Variants in SCN7A observed in about 807,000 individuals in gnomAD.
The protein encoded by SCN7A is sodium voltage-gated channel alpha subunit 7.
A neutral mutation model predicts 155.2 loss-of-function variants in SCN7A; 138 were observed. That is an observed-to-expected ratio of 0.89 (90% CI 0.77 to 1.02). The LOEUF is 1.02. Ranked by LOEUF, SCN7A falls within the 50% of genes least tolerant of loss-of-function variation. SCN7A has a pLI of 0.00. For synonymous variants in SCN7A, 693 were observed against 649.0 expected, an observed-to-expected ratio of 1.07 and a Z score of -1.03; for missense variants, 2,058 against 1,986.6, an observed-to-expected ratio of 1.04 and a Z score of -0.68.
At position 166,474,433 on chromosome 2, in the gene SCN7A, T is replaced by C. The variant is rs1702734680; in HGVS notation, c.235-89A>G. On this transcript the variant is annotated intron_variant, in intron 3 of 25. Coordinates refer to ENST00000643258, the MANE Select transcript of SCN7A (RefSeq NM_002976.4). ...ATAAACTGCCAATCAATCATCATTATAGTCTTGGACTCTAAAAGCCATACT... is the reference window on the plus strand; with the variant it reads ...ATAAACTGCCAATCAATCATCATTACAGTCTTGGACTCTAAAAGCCATACT... The C allele has an allele frequency of 1.3e-5, 6 of 465,020 alleles. No homozygotes were observed. The South Asian group carries it at 1.6e-4, about 12-fold the overall frequency. 28.8% of individuals were successfully genotyped at this position (465,020 alleles called of 1,614,324 possible).
chr2:166,430,339 G>A (rs1229447890), intron 16 of SCN7A, among the ~76,000 whole-genome samples: 3 of 151,720 alleles, frequency 2.0e-5, no homozygotes, highest in Non-Finnish European at 4.4e-5. Flanking sequence ...GTATCCAGCA[G>A]AATATTATTC....
chr2:166,464,870 C>T (rs893995721), intron 9 of SCN7A, among the ~76,000 whole-genome samples: 4 of 152,192 alleles, frequency 2.6e-5, no homozygotes, highest in Non-Finnish European at 4.4e-5. Flanking sequence ...CCCAGCTCTG[C>T]CATTTACTAG....
At chr2:166,431,235 T>TAAA (rs1460738474) in intron 16 of SCN7A, among the ~76,000 whole-genome samples, 82 of 152,204 alleles carry the variant, frequency 5.4e-4, no homozygotes, top group African/African-American at 1.9e-3. Flanking sequence ...GCAATGGTAT[T>TAAA]AATTTAAAAG....
intron 2 of SCN7A, among the ~76,000 whole-genome samples, chr2:166,480,462 A>C (rs532310277): frequency 9.3e-4 from 139 of 150,148 alleles, no homozygotes; most frequent in South Asian, 3.8e-3. Flanking sequence ...CGTCTCAAAA[A>C]AAAAAAACAA....
intron 12 of SCN7A, among the ~76,000 whole-genome samples, chr2:166,446,032 C>A (rs1048585673): frequency 3.3e-5 from 5 of 152,074 alleles, no homozygotes; most frequent in Non-Finnish European, 5.9e-5. Context: ...CAAATGGGAT[C>A]TAATTAAACT....
At chr2:166,433,170 T>C (rs1299884786) in intron 15 of SCN7A, among the ~76,000 whole-genome samples, 1 of 152,132 alleles carries the variant, frequency 6.6e-6, no homozygotes, top group Non-Finnish European at 1.5e-5. Context: ...ACACAAAAAT[T>C]GCAACTTCTG....
chr2:166,414,291 C>CATATAT lies in SCN7A; in HGVS notation c.3415-1171_3415-1170insATATAT, dbSNP rs1289665485. Among the ~76,000 whole-genome samples, 159 of 42,728 alleles carry CATATAT rather than the reference C, an allele frequency of 3.7e-3. 6 individuals are homozygous for CATATAT. The highest frequency in any genetic ancestry group is 4.8e-3 in the Non-Finnish European group (110 of 22,912). The allele number at this position is 42,728 out of a possible 152,430, so 28.0% of individuals were successfully genotyped here. A position where few individuals can be genotyped will look rare whatever the true frequency, so the allele number is the denominator to read the frequency against. The stretch of plus-strand genomic sequence containing the variant: ...ACACACATATATATATATATACACA[C>CATATAT]ACATATATATATATATATATACACA... On this transcript the variant is annotated intron_variant, in intron 21 of 25. Transcript: ENST00000643258.
In SCN7A at chr2:166,441,676, G is replaced by A. The variant is rs1315901471; in HGVS notation, c.1877C>T (p.Ala626Val). ...CAACAACAGGACCAAGTCTTTCAGG[G>A]CCACCCATGAGTTACTAAGAGACCA... is the stretch of plus-strand genomic sequence containing the variant. ...LMWSLSNSWV[A>V]LKDLVLLLFT... Residue 626 changes from alanine (A) to valine (V), a missense_variant, in exon 15 of 26, where the codon GCC becomes GTC. Transcript: ENST00000643258. 4 of 1,613,774 alleles carry A rather than the reference G, an allele frequency of 2.5e-6. No individual in the cohort carries two copies. Among genetic ancestry groups the A allele is most frequent in the Non-Finnish European group, 3.4e-6 (4 of 1,179,752 alleles).
intron 1 of SCN7A, among the ~76,000 whole-genome samples, chr2:166,492,960 G>A (rs2593529): frequency 6.6e-6 from 1 of 152,136 alleles, no homozygotes; most frequent in Non-Finnish European, 1.5e-5. Context: ...CCAAAGACTT[G>A]TTCATTGGAC....
chr2:166,427,198 A>T (rs1701642706), intron 18 of SCN7A, among the ~76,000 whole-genome samples: 1 of 152,114 alleles, frequency 6.6e-6, no homozygotes, highest in South Asian at 2.1e-4. Context: ...GTATAAAGTC[A>T]GCTATTACAG....
At chr2:166,450,895 G>C (rs529219573) in intron 11 of SCN7A, among the ~76,000 whole-genome samples, 6 of 152,170 alleles carry the variant, frequency 3.9e-5, no homozygotes, top group African/African-American at 1.4e-4. Context: ...TAAAATGTAA[G>C]TTGTAATTTA....
intron 15 of SCN7A, among the ~76,000 whole-genome samples, chr2:166,440,311 A>G (rs923455173): frequency 6.6e-6 from 1 of 152,216 alleles, no homozygotes; most frequent in Admixed American, 6.5e-5. Context: ...AAAGCCAGGA[A>G]AAGACTGACA....
intron 2 of SCN7A, among the ~76,000 whole-genome samples, chr2:166,483,395 G>T (rs1702974850): frequency 6.6e-6 from 1 of 151,820 alleles, no homozygotes; most frequent in Non-Finnish European, 1.5e-5. Context: ...ATAGTGTGGG[G>T]TTTGTGTATG....
In SCN7A at chr2:166,414,255, G is replaced by T. The variant is rs375696041; in HGVS notation, c.3415-1134C>A. On this transcript the variant is annotated intron_variant, in intron 21 of 25. Transcript: ENST00000643258. ...ATATCTATATATGTAAATATATATA[G>T]ATATATATACACACACATATATATA... Among the ~76,000 whole-genome samples, 80 of 53,962 alleles carry T rather than the reference G, an allele frequency of 1.5e-3. 1 individual carries two copies. Among genetic ancestry groups the T allele is most frequent in the African/African-American group, 3.8e-3 (47 of 12,278 alleles). 35.4% of individuals were successfully genotyped at this position (53,962 alleles called of 152,430 possible). A position where few individuals can be genotyped will look rare whatever the true frequency, so the allele number is the denominator to read the frequency against.
chr2:166,453,813 A>C (rs1290794330), intron 11 of SCN7A, among the ~76,000 whole-genome samples: 1 of 152,130 alleles, frequency 6.6e-6, no homozygotes, highest in East Asian at 1.9e-4. Context: ...ACTGGTTTGC[A>C]AGCAGATCAG....
intron 15 of SCN7A, among the ~76,000 whole-genome samples, chr2:166,438,795 C>T (rs1341493733): frequency 1.3e-5 from 2 of 151,634 alleles, no homozygotes; most frequent in African/African-American, 2.4e-5. Flanking sequence ...GAAAATTAAG[C>T]TGGAAGGATT....
intron 2 of SCN7A, 54 bp from the exon 3 acceptor site, chr2:166,477,764 A>G (rs985159615): frequency 8.8e-7 from 1 of 1,135,106 alleles, no homozygotes; most frequent in African/African-American, 1.6e-5. Context: ...TAAAAGTACA[A>G]AAGATTAGGA....
At chr2:166,446,103 G>C (rs1015984853) in intron 12 of SCN7A, among the ~76,000 whole-genome samples, 1 of 151,986 alleles carries the variant, frequency 6.6e-6, no homozygotes, top group Non-Finnish European at 1.5e-5. Flanking sequence ...CTACAGAATG[G>C]GAGAAAATTT....
intron 21 of SCN7A, among the ~76,000 whole-genome samples, chr2:166,413,810 T>G (rs1701254241): frequency 6.7e-6 from 1 of 150,316 alleles, no homozygotes; most frequent in African/African-American, 2.4e-5. Flanking sequence ...TTTTCTCCTG[T>G]GCTGGATGCT....
Sources: gnomAD v4.1 joint callset for allele counts (sites outside exome capture counted in the v4.1 genomes callset) on GRCh38, gnomAD v4.1.1 for gene constraint, MANE v1.5 for transcripts, NCBI Gene and HGNC (gene_info 2026-07-23, HGNC 2026-07-21) for gene names.